Variants in FCHO2 observed in about 807,000 individuals in gnomAD.
FCHO2 encodes the protein F-BAR domain only protein 2.
A neutral mutation model predicts 114.1 loss-of-function variants in FCHO2; 43 were observed. That is an observed-to-expected ratio of 0.38 (90% CI 0.30 to 0.49). FCHO2 has a LOEUF of 0.49. Among genes scored for constraint, FCHO2 ranks in the 20% least tolerant of loss-of-function variants. The pLI is 0.97. For missense variants in FCHO2, 807 were observed against 950.4 expected (o/e 0.85, Z 1.98); for synonymous variants, 293 against 315.2 (o/e 0.93, Z 0.75).
intron 20 of FCHO2, 78 bp from the exon 21 acceptor site, chr5:73,077,260 G>T: frequency 7.4e-7 from 1 of 1,357,512 alleles, no homozygotes; most frequent in Non-Finnish European, 1.0e-6. Flanking sequence ...ACGTGCACGC[G>T]TGTGCCTTTT....
intron 12 of FCHO2, 48 bp from the exon 13 acceptor site, chr5:73,052,284 G>T: frequency 1.3e-6 from 2 of 1,498,678 alleles, no homozygotes; most frequent in Non-Finnish European, 1.8e-6. Context: ...TGAAAAACTG[G>T]TTATACGTCT....
intron 1 of FCHO2, among the ~76,000 whole-genome samples, chr5:72,961,050 A>T (rs565806292): frequency 6.6e-6 from 1 of 152,218 alleles, no homozygotes; most frequent in South Asian, 2.1e-4. Flanking sequence ...GTCTCATTTC[A>T]CTTGATTTTA....
chr5:73,080,844 C>T (rs1743068536), intron 22 of FCHO2, among the ~76,000 whole-genome samples: 1 of 152,122 alleles, frequency 6.6e-6, no homozygotes, highest in South Asian at 2.1e-4. Flanking sequence ...GACTTTGTTG[C>T]TCTGGTCTAT....
chr5:73,019,742 T>G (rs1755511311), intron 8 of FCHO2, among the ~76,000 whole-genome samples: 1 of 152,086 alleles, frequency 6.6e-6, no homozygotes, highest in Non-Finnish European at 1.5e-5. Flanking sequence ...CCAGCTGCCT[T>G]GATAAAAAGC....
chr5:72,974,656 G>C (rs560506714), intron 2 of FCHO2, among the ~76,000 whole-genome samples: 178 of 152,004 alleles, frequency 1.2e-3, no homozygotes, highest in East Asian at 1.4e-3. Flanking sequence ...ACTCTTTATC[G>C]AGTTTGCCAG....
At chr5:73,004,261 A>G (rs1196318396) in intron 5 of FCHO2, among the ~76,000 whole-genome samples, 1 of 152,082 alleles carries the variant, frequency 6.6e-6, no homozygotes, top group African/African-American at 2.4e-5. Context: ...TTGCGAAGGT[A>G]CTTGGTAAAC....
chr5:73,032,222 A>G (rs959746835), intron 8 of FCHO2, among the ~76,000 whole-genome samples: 3 of 152,246 alleles, frequency 2.0e-5, no homozygotes, highest in Non-Finnish European at 2.9e-5. Context: ...TTGTTCATGC[A>G]TGATTTAATG....
chr5:73,032,266 T>A (rs1269530030), intron 8 of FCHO2, among the ~76,000 whole-genome samples: 3 of 152,242 alleles, frequency 2.0e-5, no homozygotes, highest in African/African-American at 7.2e-5. Flanking sequence ...AGTTTTATTA[T>A]GCCAGAAATC....
intron 25 of FCHO2, 144 bp from the exon 26 acceptor site, chr5:73,087,924 G>A: frequency 1.4e-6 from 2 of 1,387,272 alleles, no homozygotes; most frequent in Non-Finnish European, 2.0e-6. Flanking sequence ...CTTACGGTCA[G>A]TATAGCTGAA....
intron 2 of FCHO2, among the ~76,000 whole-genome samples, chr5:72,976,317 G>T (rs554642763): frequency 6.6e-6 from 1 of 152,052 alleles, no homozygotes; most frequent in Non-Finnish European, 1.5e-5. Context: ...GGCCTCAAGT[G>T]ATCCTCCTTG....
At chr5:73,000,101 A>G (rs1754352754) in intron 5 of FCHO2, among the ~76,000 whole-genome samples, 1 of 152,148 alleles carries the variant, frequency 6.6e-6, no homozygotes, top group Non-Finnish European at 1.5e-5. Context: ...GAACTCCCAG[A>G]CTTAAGCAAT....
chr5:73,071,165 A>AT (rs1299033014), intron 19 of FCHO2, among the ~76,000 whole-genome samples: 2 of 152,192 alleles, frequency 1.3e-5, no homozygotes, highest in African/African-American at 4.8e-5. Flanking sequence ...AGGATCCATT[A>AT]TATCAAATCC....
At position 73,063,853 on chromosome 5, in the gene FCHO2, C is replaced by T. The variant is rs758710051; in HGVS notation, c.1358C>T (p.Thr453Ile). The change falls in exon 18 of 26, where the codon ACT becomes ATT. Residue 453 changes from threonine (T) to isoleucine (I), a missense_variant. Thr to Ile is a moderately conservative substitution (Grantham distance 89, BLOSUM62 -1). Coordinates refer to ENST00000430046, the MANE Select transcript of FCHO2 (RefSeq NM_138782.3). Reference protein sequence around the residue: ...LTSSSSARPTTPLSVGTIVPP... With the variant: ...LTSSSSARPTIPLSVGTIVPP... ...CCCCCTCAACCAGCCAGGCCCACAA[C>T]TCCTCTTTCTGTAGGCACCATTGTC... 3 of 1,611,654 alleles carry T rather than the reference C, an allele frequency of 1.9e-6. No individual in the cohort carries two copies. Among genetic ancestry groups the T allele is most frequent in the African/African-American group, 1.3e-5 (1 of 74,800 alleles).
intron 13 of FCHO2, among the ~76,000 whole-genome samples, chr5:73,053,818 C>T (rs967840978): frequency 3.3e-5 from 5 of 151,860 alleles, no homozygotes; most frequent in Non-Finnish European, 5.9e-5. Context: ...AAACAAAAGC[C>T]TAGAGGAATA....
chr5:73,058,766 A>G (rs998272758), intron 17 of FCHO2, among the ~76,000 whole-genome samples: 2 of 152,142 alleles, frequency 1.3e-5, no homozygotes, highest in East Asian at 1.9e-4. Context: ...TAGGCATTTC[A>G]TATCATTATC....
chr5:73,052,109 G>A (rs571880531), intron 12 of FCHO2, among the ~76,000 whole-genome samples: 1 of 152,064 alleles, frequency 6.6e-6, no homozygotes, highest in African/African-American at 2.4e-5. Flanking sequence ...ATTTTTAGTA[G>A]AGACAAAGTT....
intron 10 of FCHO2, among the ~76,000 whole-genome samples, chr5:73,040,545 G>A (rs980958439): frequency 5.3e-5 from 8 of 152,146 alleles, no homozygotes; most frequent in African/African-American, 1.9e-4. Context: ...ACTGTCCTTA[G>A]TTGTACATAT....
intron 6 of FCHO2, among the ~76,000 whole-genome samples, chr5:73,009,776 A>T (rs1754908649): frequency 6.6e-6 from 1 of 152,174 alleles, no homozygotes; most frequent in Non-Finnish European, 1.5e-5. Flanking sequence ...GGCTCAAGTG[A>T]TCTGTCCAAC....
intron 19 of FCHO2, 139 bp from the exon 20 acceptor site, chr5:73,074,603 G>A (rs903971021): frequency 7.3e-5 from 51 of 698,314 alleles, no homozygotes; most frequent in Non-Finnish European, 1.2e-4. Context: ...ATATTTCTTA[G>A]CCCCCAGATT....
Sources: allele counts gnomAD v4.1 joint callset (sites outside exome capture counted in the v4.1 genomes callset), GRCh38; gene constraint gnomAD v4.1.1; transcripts MANE v1.5; gene names NCBI Gene and HGNC (gene_info 2026-07-23, HGNC 2026-07-21).